Variants in TNFAIP8 observed in about 807,000 individuals in gnomAD.
TNFAIP8 encodes the protein tumor necrosis factor alpha-induced protein 8.
In TNFAIP8, 7 loss-of-function variants were observed where a neutral mutation model predicts 13.3. That is an observed-to-expected ratio of 0.52 (90% CI 0.30 to 0.99). The LOEUF (loss-of-function observed/expected upper bound fraction) is 0.99. Among genes scored for constraint, TNFAIP8 ranks in the 50% least tolerant of loss-of-function variants. TNFAIP8 has a pLI of 0.07. For missense variants in TNFAIP8, 258 were observed against 236.9 expected (o/e 1.09, Z -0.58); for synonymous variants, 94 against 87.6 (o/e 1.07, Z -0.41).
intron 1 of TNFAIP8, among the ~76,000 whole-genome samples, chr5:119,346,019 G>C (rs1421062604): frequency 6.6e-6 from 1 of 152,138 alleles, no homozygotes; most frequent in African/African-American, 2.4e-5. Context: ...CCCTACCCGT[G>C]GGCCGTGGGT....
chr5:119,348,748 C>A (rs181083518), intron 1 of TNFAIP8, among the ~76,000 whole-genome samples: 1 of 151,940 alleles, frequency 6.6e-6, no homozygotes, highest in Non-Finnish European at 1.5e-5. Context: ...GGCAGGGTGG[C>A]ACATGCCTGT....
chr5:119,384,529 G>A (rs773662104), intron 1 of TNFAIP8, among the ~76,000 whole-genome samples: 6 of 152,056 alleles, frequency 3.9e-5, no homozygotes, highest in African/African-American at 1.2e-4. Flanking sequence ...AGTTCTAGGC[G>A]GTTCCAGGGA....
intron 1 of TNFAIP8, among the ~76,000 whole-genome samples, chr5:119,346,838 T>G (rs2112743734): frequency 6.6e-6 from 1 of 152,372 alleles, no homozygotes; most frequent in East Asian, 1.9e-4. Flanking sequence ...GCACATAATT[T>G]GGGGACCTCA....
At chr5:119,284,741 C>T (rs1748727056) in intron 1 of TNFAIP8, among the ~76,000 whole-genome samples, 1 of 151,998 alleles carries the variant, frequency 6.6e-6, no homozygotes, top group Non-Finnish European at 1.5e-5. Context: ...GCCTGAGTAG[C>T]CCCAGGTTTA....
intron 1 of TNFAIP8, among the ~76,000 whole-genome samples, chr5:119,360,852 A>C (rs1751606983): frequency 1.3e-5 from 2 of 152,248 alleles, no homozygotes; most frequent in African/African-American, 4.8e-5. Context: ...TTCTACGTGT[A>C]ACTCAAGAGA....
rs1284256652 is a variant in TNFAIP8 at position 119,399,191 on chromosome 5, C to G, written c.*5810C>G. On this transcript the variant is annotated 3_prime_UTR_variant, in exon 2 of 2. Coordinates refer to ENST00000504771, the MANE Select transcript of TNFAIP8 (RefSeq NM_014350.4). ...CATGGTATTTTCAAACGCCACGTGT[C>G]AGGAATTTGGCATGCCTTCCTCTGG... is the stretch of plus-strand genomic sequence containing the variant. 2 of 152,162 alleles carry G rather than the reference C, an allele frequency of 1.3e-5. No homozygotes were observed. Among genetic ancestry groups the G allele is most frequent in the East Asian group, 3.8e-4 (2 of 5,198 alleles). 9.4% of individuals were successfully genotyped at this position (152,162 alleles called of 1,614,324 possible).
In TNFAIP8 at chr5:119,395,045, G is replaced by T. The variant is rs979892055; in HGVS notation, c.*1664G>T. On this transcript the variant is annotated 3_prime_UTR_variant, in exon 2 of 2. Coordinates refer to ENST00000504771, the MANE Select transcript of TNFAIP8 (RefSeq NM_014350.4). ...TAACCCATTTCAGCCTAGAGAGGGTGGTCAGTTTCTCTGACACCCTCATTT... is the reference window on the plus strand; with the variant it reads ...TAACCCATTTCAGCCTAGAGAGGGTTGTCAGTTTCTCTGACACCCTCATTT... The T allele has an allele frequency of 6.6e-6, 1 of 152,128 alleles. No homozygotes were observed. The highest frequency in any genetic ancestry group is 1.5e-5 in the Non-Finnish European group (1 of 68,032). 9.4% of individuals were successfully genotyped at this position (152,128 alleles called of 1,614,324 possible). A position where few individuals can be genotyped will look rare whatever the true frequency, so the allele number is the denominator to read the frequency against.
chr5:119,271,350 C>T (rs944625377), intron 1 of TNFAIP8, among the ~76,000 whole-genome samples: 3 of 152,218 alleles, frequency 2.0e-5, no homozygotes, highest in South Asian at 2.1e-4. Context: ...GTGCCAGGCA[C>T]TGCAGAGGTC....
In TNFAIP8 at chr5:119,325,520, T is replaced by C. The variant is rs536205978; in HGVS notation, c.1+56613T>C. 5.9e-5 allele frequency among the ~76,000 whole-genome samples: 9 copies of C among 152,362 alleles called. No individual in the cohort carries two copies. The East Asian group carries it at 9.6e-4, about 16-fold the overall frequency. On this transcript the variant is annotated intron_variant, in intron 1 of 1. Transcript: ENST00000274456. ...TGGAGTGTAGTGGTGCGATCTCAGC[T>C]CACTGCAAGCTCTGCCTCCCGGGCT...
chr5:119,316,728 C>T (rs1204314759), intron 1 of TNFAIP8, among the ~76,000 whole-genome samples: 2 of 152,290 alleles, frequency 1.3e-5, no homozygotes, highest in East Asian at 3.9e-4. Context: ...TTTTTAAAAC[C>T]TCCTCAGATG....
At chr5:119,275,635 G>T (rs572537273) in intron 1 of TNFAIP8, among the ~76,000 whole-genome samples, 1 of 151,938 alleles carries the variant, frequency 6.6e-6, no homozygotes, top group East Asian at 1.9e-4. Context: ...TTTTTTCTTT[G>T]AAGCCATGTT....
intron 1 of TNFAIP8, among the ~76,000 whole-genome samples, chr5:119,367,611 T>C (rs1751908780): frequency 1.3e-5 from 2 of 152,336 alleles, no homozygotes; most frequent in African/African-American, 4.8e-5. Context: ...TTTGATGTTG[T>C]TTTTTATTCC....
At chr5:119,318,937 A>G (rs1056448207) in intron 1 of TNFAIP8, among the ~76,000 whole-genome samples, 1 of 152,200 alleles carries the variant, frequency 6.6e-6, no homozygotes, top group African/African-American at 2.4e-5. Flanking sequence ...GTTTTAAAAT[A>G]AGACTAGAAG....
intron 1 of TNFAIP8, among the ~76,000 whole-genome samples, chr5:119,311,575 G>A (rs1749728338): frequency 6.6e-6 from 1 of 150,678 alleles, no homozygotes; most frequent in African/African-American, 2.4e-5. Context: ...TGTGGTCCCA[G>A]CTACTTGGGA....
At chr5:119,334,720 G>T (rs1750496298) in intron 1 of TNFAIP8, among the ~76,000 whole-genome samples, 1 of 151,312 alleles carries the variant, frequency 6.6e-6, no homozygotes. Context: ...ATTTCAGTGA[G>T]CCGAGAATCG....
At position 119,356,139 on chromosome 5, in the gene TNFAIP8, C is replaced by T. The variant is rs774231909; in HGVS notation, c.31+18C>T. The T allele has an allele frequency of 1.3e-6, 2 of 1,568,394 alleles. No individual in the cohort carries two copies. Among genetic ancestry groups the T allele is most frequent in the East Asian group, 2.4e-5 (1 of 42,454 alleles). On this transcript the variant is annotated intron_variant, in intron 1 of 1. Coordinates refer to ENST00000504771, the MANE Select transcript of TNFAIP8 (RefSeq NM_014350.4). ...CAAGGAAGGTAGGATTCTGGTTTCT[C>T]CTGGGGGCCGGCCAAGTTCTGCGGA...
At chr5:119,355,873 C>T (rs925171767), upstream of TNFAIP8, 50 of 1,149,274 alleles carry the variant, frequency 4.4e-5, no homozygotes, top group Non-Finnish European at 5.4e-5. Context: ...GGGCGGACTC[C>T]CGCCGCCCAG....
intron 1 of TNFAIP8, among the ~76,000 whole-genome samples, chr5:119,384,206 C>T (rs1180119307): frequency 6.6e-6 from 1 of 152,152 alleles, no homozygotes; most frequent in Non-Finnish European, 1.5e-5. Flanking sequence ...ATAACGTGGC[C>T]CGGCACGGTG....
intron 1 of TNFAIP8, among the ~76,000 whole-genome samples, chr5:119,382,381 T>C (rs1310172243): frequency 6.6e-6 from 1 of 152,190 alleles, no homozygotes; most frequent in East Asian, 1.9e-4. Flanking sequence ...GATAGTGTTA[T>C]TTATCTTTGA....
Sources: gnomAD v4.1 joint callset for allele counts (sites outside exome capture counted in the v4.1 genomes callset) on GRCh38, gnomAD v4.1.1 for gene constraint, MANE v1.5 for transcripts, NCBI Gene and HGNC (gene_info 2026-07-23, HGNC 2026-07-21) for gene names.